The following ARNT2 variants were observed in gnomAD, a reference collection of about 807,000 sequenced individuals.
The protein encoded by ARNT2 is ARNT protein 2.
ARNT2 carries 36 observed loss-of-function variants against 91.7 expected under a neutral mutation model. The ratio of observed to expected loss-of-function variants is 0.39; its 90% CI spans 0.30 to 0.52. The LOEUF (loss-of-function observed/expected upper bound fraction) is 0.52. Ranked by LOEUF, ARNT2 falls within the 20% of genes least tolerant of loss-of-function variation. The pLI is 0.72. For missense variants in ARNT2, 775 were observed against 939.3 expected, an observed-to-expected ratio of 0.83 and a Z score of 2.29; for synonymous variants, 365 against 347.1, an observed-to-expected ratio of 1.05 and a Z score of -0.57.
At chr15:80,519,016 A>G (rs1465142229) in intron 8 of ARNT2, among the ~76,000 whole-genome samples, 1 of 152,160 alleles carries the variant, frequency 6.6e-6, no homozygotes, top group African/African-American at 2.4e-5. Context: ...CCATTTTTGT[A>G]CATTTTAAAA....
intron 17 of ARNT2, among the ~76,000 whole-genome samples, chr15:80,582,822 AC>A (rs1416012784): frequency 1.3e-5 from 2 of 152,160 alleles, no homozygotes; most frequent in East Asian, 3.9e-4. Flanking sequence ...CAGCACGGTT[AC>A]CACCTTGAGC....
chr15:80,517,629 G>GTT (rs570738185), intron 8 of ARNT2, among the ~76,000 whole-genome samples: 2 of 132,982 alleles, frequency 1.5e-5, no homozygotes, highest in African/African-American at 5.4e-5. Context: ...GAGTGTTCTG[G>GTT]TTTTTTTTTT....
In ARNT2 at chr15:80,450,939, G is replaced by A. The variant is rs202043975; in HGVS notation, c.91G>A (p.Gly31Arg). The A allele has an allele frequency of 1.7e-5, 28 of 1,614,208 alleles. No individual in the cohort carries two copies. In the East Asian group the frequency reaches 2.5e-4, roughly 14 times the overall value. ...GCCCGTTGCCCCCATGGCGGCCACC[G>A]GACAGGTGAGGATGGCGGGGGCCAT... Reference protein sequence around the residue: ...TLPVAPMAATGQVRMAGAMPA... With the variant: ...TLPVAPMAATRQVRMAGAMPA... The change falls in exon 2 of 19, where the codon GGA becomes AGA. Residue 31 changes from glycine (G) to arginine (R), a missense_variant. By Grantham distance (125) the Gly-to-Arg change is moderately radical. Coordinates refer to ENST00000303329, the MANE Select transcript of ARNT2 (RefSeq NM_014862.4).
intron 5 of ARNT2, among the ~76,000 whole-genome samples, chr15:80,495,181 C>A (rs1436402961): frequency 1.3e-5 from 2 of 152,176 alleles, no homozygotes; most frequent in Non-Finnish European, 2.9e-5. Context: ...TGCTCAGGAA[C>A]GCAAGAGGGC....
chr15:80,425,016 G>T (rs552026333), intron 1 of ARNT2, among the ~76,000 whole-genome samples: 1 of 152,202 alleles, frequency 6.6e-6, no homozygotes, highest in Non-Finnish European at 1.5e-5. Flanking sequence ...GTCAACAAAC[G>T]AATTACTAAA....
chr15:80,443,399 G>A (rs572088233), intron 1 of ARNT2, among the ~76,000 whole-genome samples: 2 of 152,312 alleles, frequency 1.3e-5, no homozygotes, highest in Admixed American at 6.5e-5. Flanking sequence ...CTTGTCTGAT[G>A]TGGCTTCCGA....
intron 8 of ARNT2, among the ~76,000 whole-genome samples, chr15:80,520,831 G>T (rs935939499): frequency 3.0e-4 from 46 of 152,170 alleles, no homozygotes; most frequent in Admixed American, 6.5e-4. Context: ...TTTCCCATTT[G>T]CCCTGAGAAT....
At position 80,411,878 on chromosome 15, in the gene ARNT2, C is replaced by T. The variant is rs531982152; in HGVS notation, c.31+7332C>T. On this transcript the variant is annotated intron_variant, in intron 1 of 18. Coordinates refer to ENST00000303329, the MANE Select transcript of ARNT2 (RefSeq NM_014862.4). Reference sequence around the variant, plus strand: ...ACTGGCTGGTGGTAGTGGTAGGTTCCGTGTTACAGTCCCACAGGGTCTTCT... The same window carrying T: ...ACTGGCTGGTGGTAGTGGTAGGTTCTGTGTTACAGTCCCACAGGGTCTTCT... Among the ~76,000 whole-genome samples, 151 of 152,282 alleles carry T rather than the reference C, an allele frequency of 9.9e-4. 1 individual carries two copies. Among genetic ancestry groups the T allele is most frequent in the African/African-American group, 3.3e-3 (137 of 41,542 alleles).
chr15:80,502,645 T>C (rs918478469), intron 5 of ARNT2, among the ~76,000 whole-genome samples: 1 of 152,104 alleles, frequency 6.6e-6, no homozygotes, highest in Non-Finnish European at 1.5e-5. Context: ...CATGGGAGCA[T>C]GAGCCTTCTC....
intron 11 of ARNT2, chr15:80,562,833 G>A (rs767378352): frequency 9.2e-6 from 5 of 544,038 alleles, no homozygotes; most frequent in Non-Finnish European, 1.6e-5. Flanking sequence ...CTGCTATAAA[G>A]CAGGCATTGA....
chr15:80,579,134 G>A (rs1368413895), intron 15 of ARNT2, among the ~76,000 whole-genome samples: 3 of 152,200 alleles, frequency 2.0e-5, no homozygotes, highest in South Asian at 2.1e-4. Flanking sequence ...CTGCCAAGGC[G>A]CCTTTCCTAG....
rs368539766 is a variant in ARNT2, at chr15:80,591,743, G to A, written c.2055+39G>A. The A allele has an allele frequency of 5.4e-5, 87 of 1,609,824 alleles. No individual in the cohort carries two copies. Among genetic ancestry groups the A allele is most frequent in the Middle Eastern group, 3.3e-4 (2 of 6,058 alleles). ...GCACCGCCTTCTCGTAGGTACCGGC[G>A]CCTTCTCTCTGCTTCCTTTCCCCCT... is the stretch of plus-strand genomic sequence containing the variant. On this transcript the variant is annotated intron_variant, in intron 18 of 18. Coordinates refer to ENST00000303329, the MANE Select transcript of ARNT2 (RefSeq NM_014862.4). This position sits in a 1 kb window ranked among gnomAD's most constrained non-coding sequence, Gnocchi z 5.1.
chr15:80,536,571 C>T (rs1393366734), intron 8 of ARNT2, among the ~76,000 whole-genome samples: 2 of 152,184 alleles, frequency 1.3e-5, no homozygotes, highest in African/African-American at 4.8e-5. Flanking sequence ...TCTATGTCTG[C>T]AGCTCAATTT....
At chr15:80,426,964 A>G (rs1895941511) in intron 1 of ARNT2, among the ~76,000 whole-genome samples, 1 of 152,092 alleles carries the variant, frequency 6.6e-6, no homozygotes, top group African/African-American at 2.4e-5. Flanking sequence ...TTTTCATCCT[A>G]TCATGGAAGC....
chr15:80,520,809 A>G (rs1001958004), intron 8 of ARNT2, among the ~76,000 whole-genome samples: 5 of 152,092 alleles, frequency 3.3e-5, no homozygotes, highest in African/African-American at 9.7e-5. Flanking sequence ...ATTTTTGTCT[A>G]TGTTTAACCC....
chr15:80,570,235 C>A (rs764592899), intron 12 of ARNT2, among the ~76,000 whole-genome samples: 3 of 152,192 alleles, frequency 2.0e-5, no homozygotes, highest in Non-Finnish European at 2.9e-5. Context: ...CTAGCCATGT[C>A]GCCCTGGATG....
At chr15:80,440,243 G>A (rs1339855541) in intron 1 of ARNT2, among the ~76,000 whole-genome samples, 9 of 152,158 alleles carry the variant, frequency 5.9e-5, no homozygotes, top group African/African-American at 2.2e-4. Flanking sequence ...ACAAGTCATG[G>A]GTGGATGTCT....
intron 5 of ARNT2, among the ~76,000 whole-genome samples, chr15:80,484,134 A>C (rs1242414840): frequency 6.6e-6 from 1 of 151,860 alleles, no homozygotes; most frequent in Non-Finnish European, 1.5e-5. Context: ...TCCTGAACAC[A>C]TTCAGCAGTC....
chr15:80,409,336 C>T (rs1254014020), intron 1 of ARNT2, among the ~76,000 whole-genome samples: 1 of 152,160 alleles, frequency 6.6e-6, no homozygotes, highest in East Asian at 1.9e-4. Flanking sequence ...CATTACGTAG[C>T]CTTTTCAAAC....
Sources: allele counts gnomAD v4.1 joint callset (sites outside exome capture counted in the v4.1 genomes callset), GRCh38; gene constraint gnomAD v4.1.1; non-coding constraint Gnocchi (gnomAD v3.1); transcripts MANE v1.5; gene names NCBI Gene and HGNC (gene_info 2026-07-23, HGNC 2026-07-21).